Variants in CAMKMT observed in about 807,000 individuals in gnomAD.
CAMKMT encodes the protein CaM KMT.
In CAMKMT, 53 loss-of-function variants were observed where a neutral mutation model predicts 48.0. That is an observed-to-expected ratio of 1.10 (90% confidence interval 0.89 to 1.39). The LOEUF (loss-of-function observed/expected upper bound fraction) is 1.39, where lower values mean the gene tolerates loss of function less well. CAMKMT is among the 40% of genes most tolerant of loss of function. The pLI is 0.00. For synonymous variants in CAMKMT, 165 were observed against 152.3 expected, an observed-to-expected ratio of 1.08 and a Z score of -0.61; for missense variants, 428 against 402.7, an observed-to-expected ratio of 1.06 and a Z score of -0.54.
At chr2:44,426,780 A>G (rs888705045) in intron 3 of CAMKMT, among the ~76,000 whole-genome samples, 8 of 152,226 alleles carry the variant, frequency 5.3e-5, no homozygotes, top group African/African-American at 1.9e-4. Context: ...TGCTATTTCT[A>G]TGAAATTACC....
intron 3 of CAMKMT, among the ~76,000 whole-genome samples, chr2:44,699,358 G>A (rs958702559): frequency 1.3e-5 from 2 of 152,180 alleles, no homozygotes; most frequent in African/African-American, 4.8e-5. Flanking sequence ...TGTGTTAGCA[G>A]GCATGGAAAC....
At chr2:44,399,117 G>A (rs1308844736) in intron 3 of CAMKMT, among the ~76,000 whole-genome samples, 2 of 152,128 alleles carry the variant, frequency 1.3e-5, no homozygotes, top group Non-Finnish European at 2.9e-5. Context: ...CTGGTATACT[G>A]GATCAGGTGT....
intron 6 of CAMKMT, among the ~76,000 whole-genome samples, chr2:44,712,639 C>T (rs1179242466): frequency 6.6e-6 from 1 of 152,102 alleles, no homozygotes; most frequent in East Asian, 1.9e-4. Context: ...GGATTGGAGG[C>T]AATTACTCTG....
chr2:44,515,837 T>A (rs1223422504), intron 3 of CAMKMT, among the ~76,000 whole-genome samples: 1 of 152,168 alleles, frequency 6.6e-6, no homozygotes, highest in Non-Finnish European at 1.5e-5. Context: ...CTTTAGTCTG[T>A]GGCTACTTAG....
At chr2:44,641,596 C>T (rs1673456611) in intron 3 of CAMKMT, among the ~76,000 whole-genome samples, 1 of 152,000 alleles carries the variant, frequency 6.6e-6, no homozygotes, top group African/African-American at 2.4e-5. Context: ...CTCACTCTGT[C>T]ACCCAGGCTG....
At chr2:44,394,804 G>A (rs777511487) in intron 3 of CAMKMT, 1 of 452,962 alleles carries the variant, frequency 2.2e-6, no homozygotes, top group Non-Finnish European at 4.4e-6. Context: ...TTGTCTGTTT[G>A]TGATGTATCT....
chr2:44,485,738 C>A (rs1448922310), intron 3 of CAMKMT, among the ~76,000 whole-genome samples: 1 of 152,156 alleles, frequency 6.6e-6, no homozygotes, highest in Non-Finnish European at 1.5e-5. Context: ...AAGGGACCAA[C>A]ATATATGTGG....
chr2:44,611,015 G>A (rs1671567233), intron 3 of CAMKMT, among the ~76,000 whole-genome samples: 1 of 152,198 alleles, frequency 6.6e-6, no homozygotes, highest in African/African-American at 2.4e-5. Flanking sequence ...GGGCTTATCA[G>A]AGCAAAAGCA....
chr2:44,763,462 A>G (rs1680701672), intron 9 of CAMKMT, among the ~76,000 whole-genome samples: 1 of 152,254 alleles, frequency 6.6e-6, no homozygotes, highest in South Asian at 2.1e-4. Flanking sequence ...TGTCTCATCA[A>G]ATATTGACTG....
intron 3 of CAMKMT, among the ~76,000 whole-genome samples, chr2:44,545,419 A>G (rs1413503752): frequency 6.6e-6 from 1 of 152,210 alleles, no homozygotes; most frequent in Non-Finnish European, 1.5e-5. Flanking sequence ...TTTACTAGGC[A>G]TTGAGAACAT....
chr2:44,688,681 G>C (rs921427244), intron 3 of CAMKMT, among the ~76,000 whole-genome samples: 2 of 152,138 alleles, frequency 1.3e-5, no homozygotes, highest in African/African-American at 4.8e-5. Context: ...GGCAATTCCT[G>C]CTGTTAGAAG....
intron 9 of CAMKMT, among the ~76,000 whole-genome samples, chr2:44,764,057 G>T (rs1680730942): frequency 6.6e-6 from 1 of 150,444 alleles, no homozygotes; most frequent in Non-Finnish European, 1.5e-5. Context: ...GGAGACTTTT[G>T]CTGTCCTGCC....
At chr2:44,710,100 C>CT (rs150312604) in intron 6 of CAMKMT, among the ~76,000 whole-genome samples, 1,842 of 149,720 alleles carry the variant, frequency 0.012, 25 homozygotes, top group African/African-American at 0.041. Flanking sequence ...TGATTTTTAC[C>CT]TTTTTTTAAA....
intron 3 of CAMKMT, among the ~76,000 whole-genome samples, chr2:44,611,209 A>G (rs978838123): frequency 1.8e-4 from 27 of 152,164 alleles, no homozygotes; most frequent in Non-Finnish European, 3.5e-4. Flanking sequence ...AGGTGGGTGG[A>G]TCACCCGAGG....
At chr2:44,517,370 A>G (rs1409490654) in intron 3 of CAMKMT, among the ~76,000 whole-genome samples, 3 of 152,202 alleles carry the variant, frequency 2.0e-5, no homozygotes, top group African/African-American at 7.2e-5. Context: ...TATGTTAGGT[A>G]AAATACAGCA....
At chr2:44,503,951 A>AAAGAGG (rs1670127777) in intron 3 of CAMKMT, among the ~76,000 whole-genome samples, 1 of 150,008 alleles carries the variant, frequency 6.7e-6, no homozygotes, top group Non-Finnish European at 1.5e-5. Flanking sequence ...AGAGGTAGAG[A>AAAGAGG]AAGAGGAAAA....
At chr2:44,462,545 T>G (rs1667902158) in intron 3 of CAMKMT, among the ~76,000 whole-genome samples, 1 of 152,150 alleles carries the variant, frequency 6.6e-6, no homozygotes, top group African/African-American at 2.4e-5. Context: ...TTCCTTTTTT[T>G]GCTTTTATTT....
At chr2:44,560,951 G>A (rs1668292407) in intron 3 of CAMKMT, among the ~76,000 whole-genome samples, 1 of 151,996 alleles carries the variant, frequency 6.6e-6, no homozygotes, top group South Asian at 2.1e-4. Context: ...CTTTCTTTTT[G>A]ATTCTTGTTC....
intron 3 of CAMKMT, among the ~76,000 whole-genome samples, chr2:44,652,453 G>A (rs1306456504): frequency 2.6e-5 from 4 of 152,206 alleles, no homozygotes; most frequent in Non-Finnish European, 5.9e-5. Flanking sequence ...CTCTTTGGGG[G>A]TGTGAGAAGT....
Sources: gnomAD v4.1 joint callset for allele counts (sites outside exome capture counted in the v4.1 genomes callset) on GRCh38, gnomAD v4.1.1 for gene constraint, MANE v1.5 for transcripts, NCBI Gene and HGNC (gene_info 2026-07-23, HGNC 2026-07-21) for gene names.